The following FBXO10 variants were observed in gnomAD, a reference collection of about 807,000 sequenced individuals.
The protein encoded by FBXO10 is F-box only protein 10.
FBXO10 carries 39 observed loss-of-function variants against 80.7 expected under a neutral mutation model. The observed-to-expected ratio is 0.48, with a 90% CI of 0.37 to 0.63. The LOEUF is 0.63. Among genes scored for constraint, FBXO10 ranks in the 30% least tolerant of loss-of-function variants. The pLI is 0.00. For synonymous variants in FBXO10, 449 were observed against 489.6 expected, an observed-to-expected ratio of 0.92 and a Z score of 1.09; for missense variants, 1,025 against 1,269.0, an observed-to-expected ratio of 0.81 and a Z score of 2.92.
intron 5 of FBXO10, among the ~76,000 whole-genome samples, chr9:37,526,913 C>T (rs755510105): frequency 6.6e-6 from 1 of 151,810 alleles, no homozygotes; most frequent in Non-Finnish European, 1.5e-5. Flanking sequence ...TGCAGTGGCA[C>T]GATCTCGGCT....
At position 37,518,134 on chromosome 9, in the gene FBXO10, G is replaced by A. The variant is rs369007874; in HGVS notation, c.2505C>T (p.Ser835=). The A allele has an allele frequency of 1.7e-5, 27 of 1,612,256 alleles. No homozygotes were observed. The highest frequency in any genetic ancestry group is 1.6e-4 in the Middle Eastern group (1 of 6,082). ...ATGCAGACATACTCACTTTAGTGTC[G>A]GACCTGGGCAGCAGCTGCAGCCCGC... The part of the protein sequence containing the change: ...RGSGLQLLPR[S]DTKVIKNRIH... The change falls in exon 9 of 11, where the codon TCC becomes TCT. Residue 835 remains serine (S), a synonymous_variant. Coordinates refer to ENST00000432825, the MANE Select transcript of FBXO10 (RefSeq NM_012166.3).
rs397893928 is a variant in FBXO10 at position 37,545,175 on chromosome 9, C to CTTTT, written c.-6-3405_-6-3402dup. ...ATTTCTTTAGTTATACATTCTCAGGCTTTTTTTTTTTTTTTTTTTGAGACA... is the reference window on the plus strand; with the variant it reads ...ATTTCTTTAGTTATACATTCTCAGGCTTTTTTTTTTTTTTTTTTTTTTTGAGACA... On this transcript the variant is annotated intron_variant, in intron 1 of 10. Transcript: ENST00000432825. Among the ~76,000 whole-genome samples the CTTTT allele has an allele frequency of 3.5e-3, 298 of 85,628 alleles. 22 individuals carry two copies. The highest frequency in any genetic ancestry group is 0.01 in the African/African-American group (211 of 20,438). 56.2% of individuals were successfully genotyped at this position (85,628 alleles called of 152,430 possible).
intron 1 of FBXO10, among the ~76,000 whole-genome samples, chr9:37,565,768 G>A (rs755145135): frequency 6.6e-6 from 1 of 152,196 alleles, no homozygotes; most frequent in Non-Finnish European, 1.5e-5. Context: ...AGAGACTCTT[G>A]TTTTTAACCA....
chr9:37,515,795 C>G, intron 10 of FBXO10, 109 bp downstream of exon 10: 1 of 1,165,762 alleles, frequency 8.6e-7, no homozygotes, highest in Non-Finnish European at 1.2e-6. Context: ...CGACAGCTGG[C>G]AGGGTTGCAG....
chr9:37,521,887 G>A (rs373482443), intron 7 of FBXO10, 49 bp from the exon 8 acceptor site: 24 of 1,503,970 alleles, frequency 1.6e-5, no homozygotes, highest in African/African-American at 6.9e-5. Context: ...CAGGTGAAGC[G>A]GCACCTGAGT....
chr9:37,520,812 A>C (rs1230494523), intron 8 of FBXO10, among the ~76,000 whole-genome samples: 1 of 152,196 alleles, frequency 6.6e-6, no homozygotes, highest in African/African-American at 2.4e-5. Context: ...GAGTTGATTA[A>C]AAGCATGTGT....
chr9:37,547,823 T>C (rs958597105), intron 1 of FBXO10, among the ~76,000 whole-genome samples: 1 of 152,078 alleles, frequency 6.6e-6, no homozygotes, highest in African/African-American at 2.4e-5. Flanking sequence ...CCAGGCATGG[T>C]GGTGTGCACC....
At chr9:37,534,817 G>A (rs1821717652) in intron 3 of FBXO10, among the ~76,000 whole-genome samples, 1 of 152,138 alleles carries the variant, frequency 6.6e-6, no homozygotes, top group African/African-American at 2.4e-5. Context: ...GAAACAGCGG[G>A]AAAACACTCT....
At chr9:37,522,431 G>A (rs76181240) in intron 7 of FBXO10, 36,697 of 1,035,074 alleles carry the variant, frequency 0.035, 706 homozygotes, top group Middle Eastern at 0.049. Flanking sequence ...GTCACTGCGT[G>A]AGTGAGAAGA....
At chr9:37,515,362 G>A (rs1039641149) in intron 10 of FBXO10, 2 of 152,844 alleles carry the variant, frequency 1.3e-5, no homozygotes, top group Admixed American at 6.5e-5. Flanking sequence ...AACAAGACCT[G>A]GTGACTGACT....
rs751595374 is a variant in FBXO10 at position 37,531,999 on chromosome 9, C to G, written c.1479G>C (p.Leu493Phe). 3.7e-6 allele frequency: 6 copies of G among 1,613,896 alleles called. No homozygotes were observed. Among genetic ancestry groups the G allele is most frequent in the African/African-American group, 2.7e-5 (2 of 74,940 alleles). ...RCRASGIFLR[L>F]EGGGLIAGNN... ...TGCCGGCAATCAAGCCACCGCCCTC[C>G]AAGCGAAGAAAGATGCCTGACGCTC... Residue 493 changes from leucine (L) to phenylalanine (F), a missense_variant, in exon 4 of 11, where the codon TTG (leucine) becomes TTC (phenylalanine). By Grantham distance (22) the Leu-to-Phe change is conservative (BLOSUM62 0). Transcript: ENST00000432825.
At chr9:37,566,997 G>C (rs1822622759) in intron 1 of FBXO10, among the ~76,000 whole-genome samples, 1 of 152,156 alleles carries the variant, frequency 6.6e-6, no homozygotes, top group Admixed American at 6.5e-5. Flanking sequence ...TTAGGAGACA[G>C]AAGGGGAGTT....
chr9:37,560,419 C>T (rs1215983002), intron 1 of FBXO10, among the ~76,000 whole-genome samples: 3 of 152,094 alleles, frequency 2.0e-5, no homozygotes, highest in African/African-American at 7.2e-5. Flanking sequence ...TAGCAGGTTA[C>T]TGTCAACCCT....
At position 37,544,044 on chromosome 9, in the gene FBXO10, A is replaced by C. The variant is rs191491606; in HGVS notation, c.-6-2270T>G. ...CACTTTGGGATGCCGAGGCAGGTGG[A>C]TCACTTGAGGTCAGGAGTTCAAGAC... is the stretch of plus-strand genomic sequence containing the variant. On this transcript the variant is annotated intron_variant, in intron 1 of 10. Coordinates refer to ENST00000432825, the MANE Select transcript of FBXO10 (RefSeq NM_012166.3). 7.9e-5 allele frequency among the ~76,000 whole-genome samples: 12 copies of C among 152,350 alleles called. No homozygotes were observed. In the East Asian group the frequency reaches 2.3e-3, roughly 29 times the overall value.
chr9:37,561,755 A>T (rs547304928), intron 1 of FBXO10, among the ~76,000 whole-genome samples: 30 of 152,358 alleles, frequency 2.0e-4, no homozygotes, highest in Non-Finnish European at 3.8e-4. Flanking sequence ...GAGACAGACA[A>T]TAAACGAAAA....
chr9:37,526,245 T>C (rs1030182229), intron 5 of FBXO10, among the ~76,000 whole-genome samples: 1 of 152,106 alleles, frequency 6.6e-6, no homozygotes, highest in Admixed American at 6.6e-5. Flanking sequence ...AAGAGAAACA[T>C]ATATAACATA....
At position 37,518,331 on chromosome 9, in the gene FBXO10, G is replaced by A. The variant is rs749748138; in HGVS notation, c.2308C>T (p.Arg770Ter). 8.7e-6 allele frequency: 14 copies of A among 1,614,016 alleles called. No homozygotes were observed. In the South Asian group the frequency reaches 9.9e-5, roughly 11 times the overall value. The part of the protein sequence containing the change: ...ITVAQSSQPT[R>*]VANNSISCNR... ...CAGGAGATGCTGTTGTTGGCCACTC[G>A]GGTGGGTTGGCTGCTCTGGGCCACA... The change falls in exon 9 of 11, where the codon CGA becomes TGA. Residue 770 changes from arginine (R) to a stop codon, truncating the protein, a stop_gained. Coordinates refer to ENST00000432825, the MANE Select transcript of FBXO10 (RefSeq NM_012166.3). LOFTEE classifies it high-confidence loss of function.
At chr9:37,536,003 T>A (rs1485892396) in intron 3 of FBXO10, 1 of 152,236 alleles carries the variant, frequency 6.6e-6, no homozygotes, top group Non-Finnish European at 1.5e-5. Context: ...TTTCCCTTTT[T>A]ATTTGGCCAT....
chr9:37,567,164 A>G (rs1180769009), intron 1 of FBXO10, among the ~76,000 whole-genome samples: 1 of 143,062 alleles, frequency 7.0e-6, no homozygotes, highest in Non-Finnish European at 1.5e-5. Flanking sequence ...TTTTTTTGAG[A>G]CAAGGTCTTG....
Sources: gnomAD v4.1 joint callset for allele counts (sites outside exome capture counted in the v4.1 genomes callset) on GRCh38, gnomAD v4.1.1 for gene constraint, MANE v1.5 for transcripts, NCBI Gene and HGNC (gene_info 2026-07-23, HGNC 2026-07-21) for gene names.